Variants in CSMD1 observed in about 807,000 individuals in gnomAD.
The protein encoded by CSMD1 is CUB and sushi domain-containing protein 1.
CSMD1 carries 213 observed loss-of-function variants against 417.5 expected under a neutral mutation model. That is an observed-to-expected ratio of 0.51 (90% confidence interval 0.46 to 0.57). The LOEUF is 0.57. CSMD1 is among the 20% of genes least tolerant of loss of function. The pLI is 0.00. For missense variants in CSMD1, 6,923 were observed against 4,529.7 expected, an observed-to-expected ratio of 1.53 and a Z score of -15.17; for synonymous variants, 2,862 against 1,736.8, an observed-to-expected ratio of 1.65 and a Z score of -16.11.
intron 3 of CSMD1, among the ~76,000 whole-genome samples, chr8:4,315,635 G>A (rs983662039): frequency 2.6e-5 from 4 of 152,046 alleles, no homozygotes; most frequent in Non-Finnish European, 5.9e-5. Context: ...AAGATAAAAT[G>A]ATTTTATTAT....
At chr8:4,991,964 C>G (rs1215032088) in intron 1 of CSMD1, among the ~76,000 whole-genome samples, 2 of 152,166 alleles carry the variant, frequency 1.3e-5, no homozygotes, top group African/African-American at 2.4e-5. Flanking sequence ...GAGCTACGTC[C>G]GAGCGTCCTG....
intron 6 of CSMD1, among the ~76,000 whole-genome samples, chr8:3,712,334 G>T (rs1392838221): frequency 6.6e-6 from 1 of 151,276 alleles, no homozygotes; most frequent in Admixed American, 6.6e-5. Context: ...CCCTCCAACT[G>T]CCCTCAGAGC....
chr8:4,148,308 A>T (rs767652868), intron 3 of CSMD1, among the ~76,000 whole-genome samples: 22 of 146,198 alleles, frequency 1.5e-4, no homozygotes, highest in Non-Finnish European at 2.8e-4. Flanking sequence ...CATAGGTGGG[A>T]ATTGAACAAT....
chr8:3,541,096 A>T (rs1798417960), intron 10 of CSMD1, among the ~76,000 whole-genome samples: 1 of 152,214 alleles, frequency 6.6e-6, no homozygotes, highest in African/African-American at 2.4e-5. Flanking sequence ...TCACTGCAGC[A>T]CTATTCACAA....
chr8:4,440,954 G>C (rs1337078999), intron 2 of CSMD1, among the ~76,000 whole-genome samples: 3 of 150,808 alleles, frequency 2.0e-5, no homozygotes, highest in Non-Finnish European at 2.9e-5. Context: ...CCGAGATCAT[G>C]CCACTGCACT....
At chr8:4,518,967 CA>C (rs1803278078) in intron 2 of CSMD1, among the ~76,000 whole-genome samples, 1 of 151,964 alleles carries the variant, frequency 6.6e-6, no homozygotes, top group Non-Finnish European at 1.5e-5. Context: ...TTTTTAATTG[CA>C]AAGAGACTCC....
At chr8:4,293,966 T>G (rs1264162312) in intron 3 of CSMD1, among the ~76,000 whole-genome samples, 1 of 151,964 alleles carries the variant, frequency 6.6e-6, no homozygotes, top group Non-Finnish European at 1.5e-5. Context: ...GTTCTAAAGC[T>G]GGTGCTTTTT....
chr8:4,355,562 C>G (rs1328663425), intron 3 of CSMD1, among the ~76,000 whole-genome samples: 1 of 152,144 alleles, frequency 6.6e-6, no homozygotes, highest in Non-Finnish European at 1.5e-5. Flanking sequence ...GAAATAACAA[C>G]TGCAACAAAA....
chr8:3,601,955 C>A (rs925149964), intron 8 of CSMD1, among the ~76,000 whole-genome samples: 1 of 152,056 alleles, frequency 6.6e-6, no homozygotes, highest in African/African-American at 2.4e-5. Context: ...TTCCCAGGAA[C>A]AGGAAGTACA....
chr8:3,727,843 G>A lies in CSMD1; in HGVS notation c.932-19352C>T, dbSNP rs536857285. On this transcript the variant is annotated intron_variant, in intron 6 of 69. Transcript: ENST00000635120. ...GGGTGAGCTTTAGGGCAGTGCGCCA[G>A]GTGAAATATGCCTGTCACAAAAGGA... Among the ~76,000 whole-genome samples the A allele has an allele frequency of 1.1e-4, 17 of 152,306 alleles. No individual in the cohort carries two copies. The South Asian group carries it at 3.5e-3, about 32-fold the overall frequency.
At chr8:4,560,525 T>A (rs983782014) in intron 2 of CSMD1, among the ~76,000 whole-genome samples, 1 of 152,210 alleles carries the variant, frequency 6.6e-6, no homozygotes, top group Admixed American at 6.5e-5. Flanking sequence ...TGATTTTGCA[T>A]GCATGGAAAC....
At chr8:4,280,058 G>A (rs1342341494) in intron 3 of CSMD1, among the ~76,000 whole-genome samples, 2 of 152,208 alleles carry the variant, frequency 1.3e-5, no homozygotes, top group East Asian at 1.9e-4. Context: ...CTAGAACGCT[G>A]AGCGTTAACT....
At chr8:3,505,345 A>C (rs1039115280) in intron 10 of CSMD1, among the ~76,000 whole-genome samples, 6 of 152,234 alleles carry the variant, frequency 3.9e-5, no homozygotes, top group Non-Finnish European at 8.8e-5. Context: ...GATGAAAAGA[A>C]GATGAGAGAA....
chr8:4,001,885 G>T (rs1245961402), intron 4 of CSMD1, among the ~76,000 whole-genome samples: 1 of 150,400 alleles, frequency 6.6e-6, no homozygotes, highest in South Asian at 2.1e-4. Flanking sequence ...AACAATTAAG[G>T]TAGCACAGAG....
chr8:3,450,008 GCTC>G (rs1256739725), intron 12 of CSMD1, among the ~76,000 whole-genome samples: 1 of 152,218 alleles, frequency 6.6e-6, no homozygotes, highest in Non-Finnish European at 1.5e-5. Flanking sequence ...AGGGTCACCA[GCTC>G]CTCCTCATCG....
In CSMD1 at chr8:4,160,611, GT is replaced by G. The variant is rs367585309; in HGVS notation, c.416-128513del. ...AAGCCTCCATTTACACACTGTGGAT[GT>G]CCCCACTTTCTTGCAGACACTCTGG... On this transcript the variant is annotated intron_variant, in intron 3 of 69. Transcript: ENST00000635120. Among the ~76,000 whole-genome samples, 197 of 152,176 alleles carry G rather than the reference GT, an allele frequency of 1.3e-3. 2 individuals carry two copies. The highest frequency in any genetic ancestry group is 0.01 in the South Asian group (49 of 4,832).
chr8:4,692,301 C>G (rs930758980), intron 1 of CSMD1, among the ~76,000 whole-genome samples: 3 of 152,024 alleles, frequency 2.0e-5, no homozygotes, highest in Non-Finnish European at 4.4e-5. Context: ...GGGAGAAACT[C>G]ATTAAAGGAA....
chr8:3,736,486 C>A (rs910618575), intron 6 of CSMD1, among the ~76,000 whole-genome samples: 1 of 152,102 alleles, frequency 6.6e-6, no homozygotes, highest in Non-Finnish European at 1.5e-5. Flanking sequence ...CTGAAGTGAT[C>A]CTCCCTCCTC....
At chr8:3,439,114 C>T (rs1390683447) in intron 12 of CSMD1, among the ~76,000 whole-genome samples, 2 of 46,898 alleles carry the variant, frequency 4.3e-5, no homozygotes, top group Admixed American at 7.7e-4. Context: ...CAGAGCAAGA[C>T]TCCATCTCAA....
Sources: gnomAD v4.1 joint callset for allele counts (sites outside exome capture counted in the v4.1 genomes callset) on GRCh38, gnomAD v4.1.1 for gene constraint, MANE v1.5 for transcripts, NCBI Gene and HGNC (gene_info 2026-07-23, HGNC 2026-07-21) for gene names.